Variants in NALF1 observed in about 807,000 individuals in gnomAD.
NALF1 encodes family with sequence similarity 155 member A.
Under a neutral mutation model 48.4 loss-of-function variants are expected in NALF1, and 3 were observed. The ratio of observed to expected loss-of-function variants is 0.06; its 90% CI spans 0.03 to 0.16. The LOEUF is 0.16. NALF1 is among the 10% of genes least tolerant of loss of function. The pLI is 1.00. For missense variants in NALF1, 526 were observed against 571.5 expected, an observed-to-expected ratio of 0.92 and a Z score of 0.81; for synonymous variants, 262 against 245.7, an observed-to-expected ratio of 1.07 and a Z score of -0.62.
intron 1 of NALF1, among the ~76,000 whole-genome samples, chr13:107,566,895 G>A (rs186643016): frequency 1.4e-4 from 22 of 152,098 alleles, no homozygotes; most frequent in African/African-American, 5.1e-4. Context: ...GCCCAACACG[G>A]ATATATTAGT....
chr13:107,657,164 A>G (rs983328974), intron 1 of NALF1, among the ~76,000 whole-genome samples: 3 of 138,550 alleles, frequency 2.2e-5, no homozygotes, highest in Non-Finnish European at 4.8e-5. Context: ...CCAAAAACCT[A>G]TTGAAATAAA....
At chr13:107,347,483 A>T (rs1882794812) in intron 1 of NALF1, among the ~76,000 whole-genome samples, 1 of 152,226 alleles carries the variant, frequency 6.6e-6, no homozygotes, top group South Asian at 2.1e-4. Context: ...AGAATAGTCC[A>T]TGTAATTATC....
intron 1 of NALF1, among the ~76,000 whole-genome samples, chr13:107,577,793 C>T (rs564546013): frequency 3.3e-5 from 5 of 152,244 alleles, no homozygotes; most frequent in South Asian, 2.1e-4. Flanking sequence ...TGCTTCATCC[C>T]GGATCTCTTC....
At chr13:107,590,524 G>A (rs7998212) in intron 1 of NALF1, among the ~76,000 whole-genome samples, 100,789 of 151,690 alleles carry the variant, frequency 0.66, 33,826 homozygotes, top group African/African-American at 0.74. Flanking sequence ...TTCCTAGCTC[G>A]CACTGTACAG....
chr13:107,808,795 G>C (rs1878893543), intron 1 of NALF1, among the ~76,000 whole-genome samples: 2 of 152,050 alleles, frequency 1.3e-5, no homozygotes, highest in South Asian at 4.1e-4. Context: ...CCCTGCCTCA[G>C]ATCATAATAT....
chr13:107,390,390 AT>A (rs1437905152), intron 1 of NALF1, among the ~76,000 whole-genome samples: 2 of 152,128 alleles, frequency 1.3e-5, no homozygotes, highest in Admixed American at 6.6e-5. Context: ...GTTATTAAAA[AT>A]ACCTTTCCTT....
chr13:107,255,176 T>G (rs960948009), intron 1 of NALF1, among the ~76,000 whole-genome samples: 2 of 152,152 alleles, frequency 1.3e-5, no homozygotes, highest in African/African-American at 4.8e-5. Flanking sequence ...AGCTCTCTCA[T>G]GGGTTGCATA....
intron 1 of NALF1, among the ~76,000 whole-genome samples, chr13:107,290,544 G>A (rs1260012569): frequency 6.6e-6 from 1 of 152,100 alleles, no homozygotes; most frequent in African/African-American, 2.4e-5. Context: ...CTTGCCTGCT[G>A]CCATGTAGGA....
intron 1 of NALF1, among the ~76,000 whole-genome samples, chr13:107,638,305 T>A (rs1880047617): frequency 6.6e-6 from 1 of 151,266 alleles, no homozygotes; most frequent in Non-Finnish European, 1.5e-5. Flanking sequence ...AGGAGTAGAT[T>A]ATTTTTTTGT....
chr13:107,553,321 T>C (rs1877353312), intron 1 of NALF1, among the ~76,000 whole-genome samples: 3 of 152,282 alleles, frequency 2.0e-5, no homozygotes, highest in Non-Finnish European at 4.4e-5. Flanking sequence ...CTATCCATAA[T>C]TCACCCCATG....
chr13:107,805,938 C>T (rs923108620), intron 1 of NALF1, among the ~76,000 whole-genome samples: 1 of 152,152 alleles, frequency 6.6e-6, no homozygotes, highest in African/African-American at 2.4e-5. Context: ...ATCCCAACAT[C>T]TGTAGGTTTA....
intron 1 of NALF1, among the ~76,000 whole-genome samples, chr13:107,764,391 T>C (rs1877364297): frequency 6.6e-6 from 1 of 152,178 alleles, no homozygotes; most frequent in Non-Finnish European, 1.5e-5. Context: ...ATATTATATA[T>C]GTGTGCATAT....
intron 1 of NALF1, among the ~76,000 whole-genome samples, chr13:107,361,828 G>A (rs1280033855): frequency 6.6e-6 from 1 of 152,184 alleles, no homozygotes; most frequent in African/African-American, 2.4e-5. Context: ...GCTCTTCGCT[G>A]GTCTTCGCAC....
chr13:107,866,009 A>T lies in NALF1; in HGVS notation c.588T>A (p.Ser196Arg). The change falls in exon 1 of 3, where the codon AGT (serine) becomes AGA (arginine). Residue 196 changes from serine (S) to arginine (R), a missense_variant. Transcript: ENST00000375915. The surrounding 1 kb of genome is among the most constrained non-coding windows in gnomAD (Gnocchi z 4.4). The stretch of plus-strand genomic sequence containing the variant: ...GCCCGTCCCCCCCGGCCGCCCCCCG[A>T]CTCCAGTTCCTGGCGCACACCGCGT... ...NADAVCARNW[S>R]RGAAGGDGQE... 6.2e-7 allele frequency: 1 copy of T among 1,611,266 alleles called. No individual in the cohort carries two copies. Among genetic ancestry groups the T allele is most frequent in the Non-Finnish European group, 8.5e-7 (1 of 1,179,756 alleles).
At chr13:107,720,533 A>AAAG (rs1875953844) in intron 1 of NALF1, among the ~76,000 whole-genome samples, 1 of 150,214 alleles carries the variant, frequency 6.7e-6, no homozygotes, top group Non-Finnish European at 1.5e-5. Context: ...AAAAAAAAAA[A>AAAG]GCATATTTCC....
chr13:107,368,364 T>A (rs1426150935), intron 1 of NALF1, among the ~76,000 whole-genome samples: 1 of 150,924 alleles, frequency 6.6e-6, no homozygotes, highest in Non-Finnish European at 1.5e-5. Context: ...TTGCCCAGGC[T>A]GGAGTGCAAT....
chr13:107,334,572 G>A lies in NALF1; in HGVS notation c.916-123817C>T, dbSNP rs144758012. On this transcript the variant is annotated intron_variant, in intron 1 of 2. Coordinates refer to ENST00000375915, the MANE Select transcript of NALF1 (RefSeq NM_001080396.3). Reference sequence around the variant, plus strand: ...GGTTATTTTTTCAACAATGAAAAGTGAAAGCTGGGGGGAAAGATTGTATTT... The same window carrying A: ...GGTTATTTTTTCAACAATGAAAAGTAAAAGCTGGGGGGAAAGATTGTATTT... Among the ~76,000 whole-genome samples the A allele has an allele frequency of 2.9e-3, 440 of 152,300 alleles. 1 individual carries two copies. The highest frequency in any genetic ancestry group is 9.6e-3 in the African/African-American group (399 of 41,570).
At chr13:107,728,062 T>C (rs1239145812) in intron 1 of NALF1, among the ~76,000 whole-genome samples, 3 of 152,084 alleles carry the variant, frequency 2.0e-5, no homozygotes, top group African/African-American at 7.2e-5. Context: ...TGTGGAGAAA[T>C]AGAAACACTT....
chr13:107,256,442 A>G (rs2138849728), intron 1 of NALF1, among the ~76,000 whole-genome samples: 1 of 152,346 alleles, frequency 6.6e-6, no homozygotes, highest in South Asian at 2.1e-4. Flanking sequence ...TCTTTAAGTG[A>G]TGGAGAAAAT....
Sources: gnomAD v4.1 joint callset for allele counts (sites outside exome capture counted in the v4.1 genomes callset) on GRCh38, gnomAD v4.1.1 for gene constraint, Gnocchi (gnomAD v3.1) non-coding constraint, MANE v1.5 for transcripts, NCBI Gene and HGNC (gene_info 2026-07-23, HGNC 2026-07-21) for gene names.